AIRIM: variants seen among roughly 807,000 people sequenced by gnomAD.
AIRIM encodes the protein AFG2 interacting ribosome maturation factor.
chr1:37,686,484 C>A, the AIRIM span: 1 of 1,597,132 alleles, frequency 6.3e-7, no homozygotes, highest in South Asian at 1.1e-5. Context: ...TAGGCAATAT[C>A]ATGAGACATG....
At chr1:37,684,747 T>C in the AIRIM span, among the ~76,000 whole-genome samples, 1 of 152,188 alleles carries the variant, frequency 6.6e-6, no homozygotes, top group African/African-American at 2.4e-5. Flanking sequence ...AACAATCCAG[T>C]TGGAGGCATC....
the AIRIM span, among the ~76,000 whole-genome samples, chr1:37,685,197 G>T: frequency 2.3e-5 from 3 of 127,956 alleles, no homozygotes; most frequent in Admixed American, 7.7e-5. Flanking sequence ...TTTTTTGGGG[G>T]GGGGGGGTGG....
chr1:37,683,514 A>G, the AIRIM span: 108 of 1,522,348 alleles, frequency 7.1e-5, no homozygotes, highest in Non-Finnish European at 1.8e-6. Context: ...TGAGAACCAG[A>G]GGGAGCCATA....
At chr1:37,687,826 G>C in the AIRIM span, among the ~76,000 whole-genome samples, 4 of 152,316 alleles carry the variant, frequency 2.6e-5, no homozygotes, top group East Asian at 1.9e-4. Flanking sequence ...CTTGTCCTTA[G>C]CCTCTCAAAG....
At chr1:37,690,765 T>C in the AIRIM span, among the ~76,000 whole-genome samples, 1 of 152,204 alleles carries the variant, frequency 6.6e-6, no homozygotes. Context: ...TCCTGTTAGC[T>C]GTGGAGTCTT....
the AIRIM span, among the ~76,000 whole-genome samples, chr1:37,685,198 G>GT: frequency 7.8e-6 from 1 of 127,430 alleles, no homozygotes; most frequent in South Asian, 3.3e-4. Context: ...TTTTTGGGGG[G>GT]GGGGGGTGGG....
the AIRIM span, chr1:37,683,222 A>G: frequency 1.2e-6 from 2 of 1,605,186 alleles, no homozygotes; most frequent in East Asian, 4.5e-5. Flanking sequence ...AAACACACAG[A>G]GGCACAGCAA....
chr1:37,690,375 C>T, the AIRIM span: 5 of 1,289,718 alleles, frequency 3.9e-6, no homozygotes, highest in African/African-American at 6.1e-5. Context: ...TCCTGGCGTC[C>T]AAGCGCCGTC....
At chr1:37,684,944 G>A in the AIRIM span, among the ~76,000 whole-genome samples, 3 of 151,980 alleles carry the variant, frequency 2.0e-5, no homozygotes, top group African/African-American at 7.3e-5. Flanking sequence ...GGATCATCAA[G>A]GCCAGGAGTT....
the AIRIM span, chr1:37,690,429 G>A: frequency 4.4e-5 from 56 of 1,265,502 alleles, 1 homozygote; most frequent in South Asian, 6.3e-4. Context: ...CGAGGCTGCC[G>A]GTCGCCTTCC....
the AIRIM span, among the ~76,000 whole-genome samples, chr1:37,684,900 G>A: frequency 2.0e-5 from 3 of 152,078 alleles, no homozygotes; most frequent in East Asian, 1.9e-4. Context: ...GGCTCACACC[G>A]GTACTCTTAG....
At chr1:37,690,746 G>C in the AIRIM span, among the ~76,000 whole-genome samples, 1 of 152,198 alleles carries the variant, frequency 6.6e-6, no homozygotes, top group African/African-American at 2.4e-5. Context: ...GGGTGGCGGT[G>C]GTGGCATGTC....
chr1:37,690,536 A>C, the AIRIM span: 146 of 1,148,678 alleles, frequency 1.3e-4, no homozygotes, highest in Admixed American at 7.5e-5. Context: ...GCATGCTCAC[A>C]CGCGACCTCC....
the AIRIM span, among the ~76,000 whole-genome samples, chr1:37,687,333 T>G: frequency 2.0e-5 from 3 of 151,590 alleles, no homozygotes; most frequent in African/African-American, 7.3e-5. Flanking sequence ...GGTTTCTCCA[T>G]GTTGGTCAGG....
At chr1:37,689,869 G>C in the AIRIM span, 1 of 1,557,690 alleles carries the variant, frequency 6.4e-7, no homozygotes, top group East Asian at 2.3e-5. Context: ...GCAGAGGCCG[G>C]TCTTGAGTCA....
chr1:37,689,445 G>A, the AIRIM span: 4 of 801,440 alleles, frequency 5.0e-6, no homozygotes, highest in Non-Finnish European at 7.5e-6. Context: ...ATGGCTTTCT[G>A]ACCGAGGTCC....
chr1:37,686,362 A>C, the AIRIM span: 1 of 1,614,112 alleles, frequency 6.2e-7, no homozygotes. Context: ...GGACAGCATC[A>C]ATGCCAACTG....
the AIRIM span, among the ~76,000 whole-genome samples, chr1:37,684,560 A>C: frequency 6.6e-6 from 1 of 152,226 alleles, no homozygotes; most frequent in Non-Finnish European, 1.5e-5. Flanking sequence ...TGGAGGTTGC[A>C]GTGAGCCAAG....
chr1:37,681,884 G>T, the AIRIM span: 1 of 152,148 alleles, frequency 6.6e-6, no homozygotes, highest in Non-Finnish European at 1.5e-5. Context: ...TTTAAAAAAA[G>T]ACAACCTAAC....
Sources: allele counts gnomAD v4.1 joint callset (sites outside exome capture counted in the v4.1 genomes callset), GRCh38; gene constraint gnomAD v4.1.1; transcripts MANE v1.5; gene names NCBI Gene and HGNC (gene_info 2026-07-23, HGNC 2026-07-21).